The following IGSF22 variants were observed in gnomAD, a reference collection of about 807,000 sequenced individuals.
IGSF22 encodes the protein immunoglobulin superfamily member 22, also known as immunoglobulin superfamily, member 22.
IGSF22 carries 119 observed loss-of-function variants against 127.0 expected under a neutral mutation model. The observed-to-expected ratio is 0.94, with a 90% confidence interval of 0.81 to 1.09. The LOEUF (loss-of-function observed/expected upper bound fraction) is 1.09, where lower values mean the gene tolerates loss of function less well. Ranked by LOEUF, IGSF22 falls within the 50% of genes least tolerant of loss-of-function variation. The pLI is 0.00. For synonymous variants in IGSF22, 568 were observed against 664.7 expected (o/e 0.85, Z 2.24); for missense variants, 1,518 against 1,716.6 (o/e 0.88, Z 2.04).
chr11:18,717,816 T>C (rs1004216058), intron 9 of IGSF22, 115 bp downstream of exon 9: 2 of 1,200,376 alleles, frequency 1.7e-6, no homozygotes, highest in African/African-American at 3.0e-5. Context: ...ACACAATCCT[T>C]TCTTGCACAG....
chr11:18,715,358 C>T (rs1021782599), intron 11 of IGSF22, 74 bp downstream of exon 11: 9 of 1,467,166 alleles, frequency 6.1e-6, no homozygotes, highest in Non-Finnish European at 8.4e-6. Flanking sequence ...GGGAGGGGGG[C>T]AATTGATGTC....
rs1848456962 is a variant in IGSF22 at position 18,716,008 on chromosome 11, C to G, written c.1247-292G>C. Among the ~76,000 whole-genome samples the G allele has an allele frequency of 6.6e-6, 1 of 152,140 alleles. No individual in the cohort carries two copies. Among genetic ancestry groups the G allele is most frequent in the South Asian group, 2.1e-4 (1 of 4,824 alleles). The stretch of plus-strand genomic sequence containing the variant: ...TACAGTGCTCAATATCTCTAATGCC[C>G]CCTTGGAGCTCCAACCATACCTGCA... On this transcript the variant is annotated intron_variant, in intron 10 of 22. Coordinates refer to ENST00000513874, the MANE Select transcript of IGSF22 (RefSeq NM_173588.4). This position sits in a 1 kb window ranked among gnomAD's most constrained non-coding sequence, Gnocchi z 4.5.
chr11:18,710,493 A>C lies in IGSF22; in HGVS notation c.2573-38T>G, dbSNP rs1451199192. 1.9e-6 allele frequency: 3 copies of C among 1,612,134 alleles called. No homozygotes were observed. The South Asian group carries it at 3.3e-5, about 18-fold the overall frequency. ...GATGAGGGGTCGTGAGGCCAGAGGCATCCATGGGGTGAGAACAAGAGTGAG... is the reference window on the plus strand; with the variant it reads ...GATGAGGGGTCGTGAGGCCAGAGGCCTCCATGGGGTGAGAACAAGAGTGAG... On this transcript the variant is annotated intron_variant, in intron 16 of 22. Coordinates refer to ENST00000513874, the MANE Select transcript of IGSF22 (RefSeq NM_173588.4).
At chr11:18,711,114 T>A (rs1848348122) in intron 15 of IGSF22, among the ~76,000 whole-genome samples, 1 of 149,510 alleles carries the variant, frequency 6.7e-6, no homozygotes, top group Admixed American at 6.7e-5. Context: ...TAACATCAAG[T>A]GGGAAGTAAA....
rs1051077937 is a variant in IGSF22, at chr11:18,704,509, T to G, written c.3940A>C (p.Ile1314Leu). The change falls in exon 23 of 23, where the codon ATC becomes CTC. Residue 1314 changes from isoleucine to leucine, a missense_variant. Coordinates refer to ENST00000513874, the MANE Select transcript of IGSF22 (RefSeq NM_173588.4). Reference sequence around the variant, plus strand: ...GATTTCTTCTGCAGACTCTCGGTGATGGATGCTACAACTGACTTATCATCT... The same window carrying G: ...GATTTCTTCTGCAGACTCTCGGTGAGGGATGCTACAACTGACTTATCATCT... ...DKDDKSVVASITESLQKKSKH... is the reference protein window; with the variant it reads ...DKDDKSVVASLTESLQKKSKH... 13 of 1,550,614 alleles carry G rather than the reference T, an allele frequency of 8.4e-6. No homozygotes were observed. Among genetic ancestry groups the G allele is most frequent in the Non-Finnish European group, 1.1e-5 (13 of 1,146,500 alleles).
At chr11:18,718,793 C>T (rs1848510314) in intron 7 of IGSF22, 65 bp from the exon 8 acceptor site, 1 of 952,202 alleles carries the variant, frequency 1.1e-6, no homozygotes, top group Non-Finnish European at 1.7e-6. Context: ...AGACTGTGTC[C>T]TCAATCCTGG....
chr11:18,722,260 AC>A (rs1554906009), intron 2 of IGSF22, among the ~76,000 whole-genome samples: 1 of 151,638 alleles, frequency 6.6e-6, no homozygotes, highest in Non-Finnish European at 1.5e-5. Flanking sequence ...CCTTTCCCAC[AC>A]CTCAGTGGTC....
At position 18,709,915 on chromosome 11, in the gene IGSF22, T is replaced by C. The variant is rs1025774621; in HGVS notation, c.2702-232A>G. On this transcript the variant is annotated intron_variant, in intron 17 of 22. Coordinates refer to ENST00000513874, the MANE Select transcript of IGSF22 (RefSeq NM_173588.4). The surrounding 1 kb of genome is among the most constrained non-coding windows in gnomAD (Gnocchi z 4.8). ...AACTCAATACCCCTTAAATTCAACATACCCCACATATTCAAAGCTTCTGTA... is the reference window on the plus strand; with the variant it reads ...AACTCAATACCCCTTAAATTCAACACACCCCACATATTCAAAGCTTCTGTA... Among the ~76,000 whole-genome samples the C allele has an allele frequency of 1.3e-5, 2 of 152,128 alleles. No homozygotes were observed. Among genetic ancestry groups the C allele is most frequent in the African/African-American group, 4.8e-5 (2 of 41,416 alleles).
At chr11:18,713,745 C>T (rs1440441048) in intron 14 of IGSF22, 107 bp downstream of exon 14, 2 of 941,426 alleles carry the variant, frequency 2.1e-6, no homozygotes, top group Non-Finnish European at 3.1e-6. Flanking sequence ...CATTCCCAGC[C>T]CAAACTTCAA....
intron 2 of IGSF22, among the ~76,000 whole-genome samples, chr11:18,722,890 C>CA (rs1848598094): frequency 6.6e-6 from 1 of 152,220 alleles, no homozygotes; most frequent in Non-Finnish European, 1.5e-5. Context: ...CTCAAACAGG[C>CA]AGAGTGCAGT....
intron 15 of IGSF22, among the ~76,000 whole-genome samples, chr11:18,711,864 A>G (rs1030699330): frequency 1.3e-5 from 2 of 152,228 alleles, no homozygotes; most frequent in Non-Finnish European, 2.9e-5. Context: ...CGTCCTGGGT[A>G]TACCCATGGG....
Position 18,712,118 on chromosome 11 carries a change from G to T in IGSF22, c.2362C>A (p.Leu788Met), listed in dbSNP as rs1848368262. The T allele has an allele frequency of 1.9e-6, 3 of 1,551,696 alleles. No homozygotes were observed. The South Asian group carries it at 3.6e-5, about 18-fold the overall frequency. The change falls in exon 15 of 23, where the codon CTG (leucine) becomes ATG (methionine). Residue 788 changes from leucine (L) to methionine (M), a missense_variant. This residue lies in a region of IGSF22 where 1,456 missense variants were observed against 1,644.9 expected (regional missense o/e 0.89). Transcript: ENST00000513874. ...CCTGCAAACACTTCTTCTGTCTCCA[G>T]TGGGTCACTCACACCTTCTGAATTG... ...AVNSEGVSDP[L>M]ETEEVFAGNP...
rs1444464867 is a variant in IGSF22 at position 18,719,767 on chromosome 11, A to G, written c.645T>C (p.Phe215=). ...CTTTGAGCTTCCTGAGCAGCCCCCG[A>G]AAGTCGGTGAAACCATACTCCATGC... ...KVCMEYGFTD[F]RGLLRKLKEM... Residue 215 remains phenylalanine, a synonymous_variant, in exon 7 of 23, where the codon TTT becomes TTC. Coordinates refer to ENST00000513874, the MANE Select transcript of IGSF22 (RefSeq NM_173588.4). 1 of 1,614,136 alleles carries G rather than the reference A, an allele frequency of 6.2e-7. No individual in the cohort carries two copies.
intron 3 of IGSF22, 116 bp from the exon 4 acceptor site, chr11:18,721,787 G>A (rs1848579067): frequency 1.3e-6 from 2 of 1,584,764 alleles, no homozygotes; most frequent in Non-Finnish European, 1.7e-6. Flanking sequence ...GGGCAGGGGA[G>A]GAACCCTCGG....
rs779856220 is a variant in IGSF22 at position 18,716,728 on chromosome 11, G to A, written c.1246C>T (p.Arg416Cys). The A allele has an allele frequency of 1.3e-5, 21 of 1,613,258 alleles. 1 individual carries two copies. The highest frequency in any genetic ancestry group is 3.3e-5 in the Admixed American group (2 of 60,010). ...LVQKAQLTVDRIPIKFVSNLK... is the reference protein window; with the variant it reads ...LVQKAQLTVDCIPIKFVSNLK... ...CTTAGGCTCTTGCCCAACCACTCAC[G>A]GTCAACAGTGAGCTGGGCCTTTTGT... Residue 416 changes from arginine to cysteine, a missense_variant and splice_region_variant, in exon 10 of 23, where the codon CGC becomes TGC. Arg to Cys is a radical substitution (Grantham distance 180, BLOSUM62 -3). Coordinates refer to ENST00000513874, the MANE Select transcript of IGSF22 (RefSeq NM_173588.4). This position sits in a 1 kb window ranked among gnomAD's most constrained non-coding sequence, Gnocchi z 4.5.
chr11:18,717,082 C>G, intron 9 of IGSF22, 82 bp from the exon 10 acceptor site: 1 of 1,479,606 alleles, frequency 6.8e-7, no homozygotes, highest in East Asian at 2.3e-5. Context: ...TCACATGTCA[C>G]TGGCCTCCTG....
At chr11:18,725,370 C>T (rs1329566989) in intron 1 of IGSF22, among the ~76,000 whole-genome samples, 3 of 152,140 alleles carry the variant, frequency 2.0e-5, no homozygotes, top group African/African-American at 4.8e-5. Context: ...TCGATTGATC[C>T]GCCTGCCTTG....
chr11:18,718,091 A>G lies in IGSF22; in HGVS notation c.813T>C (p.Gly271=), dbSNP rs1236564219. ...DPNVKMIWIK[G]TEPLRIQYSL... ...AGTACTGGATCCTCAGTGGCTCAGT[A>G]CCCTGCCTCATGGAACAGGTAGGAA... The change falls in exon 9 of 23, where the codon GGT becomes GGC. Residue 271 remains glycine, a splice_region_variant and synonymous_variant. Transcript: ENST00000513874. 6.2e-7 allele frequency: 1 copy of G among 1,613,378 alleles called. No individual in the cohort carries two copies. Among genetic ancestry groups the G allele is most frequent in the South Asian group, 1.1e-5 (1 of 90,974 alleles).
At position 18,707,055 on chromosome 11, in the gene IGSF22, C is replaced by G; in HGVS notation, c.3439G>C (p.Glu1147Gln). The change falls in exon 21 of 23, where the codon GAG becomes CAG. Residue 1147 changes from glutamate to glutamine, a missense_variant. Physicochemically the swap from Glu to Gln is conservative, Grantham distance 29. Transcript: ENST00000513874. ...GTGTACTTGTTGCTGAAGACACGCT[C>G]GGCTGCCGTGTACCAGGTGGCTGTG... ...ASTATWYTAA[E>Q]RVFSNKYTVT... The G allele has an allele frequency of 6.4e-7, 1 of 1,551,680 alleles. No homozygotes were observed. Among genetic ancestry groups the G allele is most frequent in the Non-Finnish European group, 8.7e-7 (1 of 1,146,974 alleles).
Sources: allele counts gnomAD v4.1 joint callset (sites outside exome capture counted in the v4.1 genomes callset), GRCh38; gene constraint gnomAD v4.1.1; regional missense constraint gnomAD v4.1.1; non-coding constraint Gnocchi (gnomAD v3.1); transcripts MANE v1.5; gene names NCBI Gene and HGNC (gene_info 2026-07-23, HGNC 2026-07-21).